Variants in WDR17 observed in about 807,000 individuals in gnomAD.
WDR17 encodes WD repeat-containing protein 17.
In WDR17, 143 loss-of-function variants were observed where a neutral mutation model predicts 161.7. The ratio of observed to expected loss-of-function variants is 0.88; its 90% CI spans 0.77 to 1.02. WDR17 has a LOEUF of 1.02. WDR17 is among the 50% of genes least tolerant of loss of function. The pLI is 0.00. For missense variants in WDR17, 1,469 were observed against 1,520.9 expected, an observed-to-expected ratio of 0.97 and a Z score of 0.57; for synonymous variants, 517 against 515.6, an observed-to-expected ratio of 1.00 and a Z score of -0.04.
At chr4:176,142,251 G>A (rs981631700) in intron 11 of WDR17, among the ~76,000 whole-genome samples, 182 bp downstream of exon 11, 8 of 152,052 alleles carry the variant, frequency 5.3e-5, no homozygotes, top group African/African-American at 1.9e-4. Context: ...TTTATTCCAT[G>A]AAGTTTTTAC....
chr4:176,179,379 A>C, intron 28 of WDR17, 81 bp from the exon 29 acceptor site: 1 of 1,302,740 alleles, frequency 7.7e-7, no homozygotes, highest in Non-Finnish European at 1.0e-6. Context: ...TTTTTATTGC[A>C]GTGATTCTCT....
chr4:176,121,667 T>G (rs1741605002), intron 4 of WDR17, among the ~76,000 whole-genome samples: 1 of 152,212 alleles, frequency 6.6e-6, no homozygotes, highest in Non-Finnish European at 1.5e-5. Context: ...TCTTTTTTCT[T>G]GCTTTATTAT....
intron 9 of WDR17, among the ~76,000 whole-genome samples, chr4:176,139,349 C>G (rs1333393711): frequency 3.3e-5 from 5 of 151,852 alleles, no homozygotes; most frequent in African/African-American, 1.2e-4. Flanking sequence ...TCCCCTGGCC[C>G]TTCCTCAGTC....
intron 11 of WDR17, among the ~76,000 whole-genome samples, chr4:176,143,618 G>T (rs1474366922): frequency 6.6e-6 from 1 of 152,158 alleles, no homozygotes; most frequent in Non-Finnish European, 1.5e-5. Flanking sequence ...GGTCGAGGCT[G>T]CAGTAAGCCA....
chr4:176,089,117 A>G (rs898309815), intron 1 of WDR17, among the ~76,000 whole-genome samples: 2 of 152,134 alleles, frequency 1.3e-5, no homozygotes, highest in Admixed American at 6.6e-5. Flanking sequence ...GATTTTTAGT[A>G]TGTAATTTCT....
chr4:176,164,313 C>A (rs189722612), intron 22 of WDR17, among the ~76,000 whole-genome samples: 35 of 152,248 alleles, frequency 2.3e-4, no homozygotes, highest in African/African-American at 7.7e-4. Context: ...GGGTGAGCAT[C>A]CCTAATCCAA....
chr4:176,155,563 G>T, intron 17 of WDR17, among the ~76,000 whole-genome samples: 1 of 75,140 alleles, frequency 1.3e-5, no homozygotes. Flanking sequence ...TTTTTTTTTG[G>T]AGACGAAGTC....
rs34451055 is a variant in WDR17, at chr4:176,152,595, CAAAAAAAAAAAA to C, written c.2460+644_2460+655del. 1.1e-4 allele frequency among the ~76,000 whole-genome samples: 4 copies of C among 37,246 alleles called. No individual in the cohort carries two copies. In the East Asian group the frequency reaches 4.5e-3, roughly 42 times the overall value. The allele number at this position is 37,246 out of a possible 152,430, so 24.4% of individuals were successfully genotyped here. The stretch of plus-strand genomic sequence containing the variant: ...TACTCCAGCCTGGGTAACTCCATCT[CAAAAAAAAAAAA>C]AAAAAAAAAAAAAAAGGGAAAGAAA... On this transcript the variant is annotated intron_variant, in intron 17 of 28. Coordinates refer to ENST00000508596, the MANE Select transcript of WDR17 (RefSeq NM_181265.4).
At chr4:176,152,096 G>T in intron 17 of WDR17, 129 bp downstream of exon 17, 1 of 860,996 alleles carries the variant, frequency 1.2e-6, no homozygotes, top group African/African-American at 1.8e-5. Flanking sequence ...GATCACTTGA[G>T]CCCAGGAGTT....
intron 1 of WDR17, among the ~76,000 whole-genome samples, chr4:176,087,657 T>C (rs1579011980): frequency 6.6e-6 from 1 of 152,244 alleles, no homozygotes; most frequent in East Asian, 1.9e-4. Flanking sequence ...TATCTGTCTC[T>C]TATGCTTTGT....
chr4:176,152,517 A>T (rs1355885654), intron 17 of WDR17, among the ~76,000 whole-genome samples: 2 of 136,078 alleles, frequency 1.5e-5, no homozygotes, highest in Non-Finnish European at 1.5e-5. Flanking sequence ...GAGGCAGGGG[A>T]ATTGCCTGAA....
chr4:176,181,385 T>C lies in WDR17; in HGVS notation c.*1806T>C, dbSNP rs1370402649. On this transcript the variant is annotated 3_prime_UTR_variant, in exon 29 of 29. Transcript: ENST00000508596. ...AGGAAGCTAAGGCAGGAGAATCGCT[T>C]GAATCCAGGAGGCGGAGGTTGCAGT... 5 of 174,626 alleles carry C rather than the reference T, an allele frequency of 2.9e-5. No homozygotes were observed. The highest frequency in any genetic ancestry group is 3.5e-5 in the Non-Finnish European group (3 of 85,908). The allele number at this position is 174,626 out of a possible 1,614,324, so 10.8% of individuals were successfully genotyped here. A position where few individuals can be genotyped will look rare whatever the true frequency, so the allele number is the denominator to read the frequency against.
In WDR17 at chr4:176,180,822, TA is replaced by T. The variant is rs1377119396; in HGVS notation, c.*1247del. ...GGATATATTATGTTGATTTAACTTT[TA>T]AAATGTTGTTTAAAAGTGTGAAGCT... On this transcript the variant is annotated 3_prime_UTR_variant, in exon 29 of 29. Transcript: ENST00000508596. The T allele has an allele frequency of 6.6e-6, 1 of 152,232 alleles. No homozygotes were observed. The highest frequency in any genetic ancestry group is 1.5e-5 in the Non-Finnish European group (1 of 68,046). 9.4% of individuals were successfully genotyped at this position (152,232 alleles called of 1,614,324 possible).
intron 1 of WDR17, among the ~76,000 whole-genome samples, chr4:176,085,417 C>T (rs1440121251): frequency 6.6e-6 from 1 of 151,918 alleles, no homozygotes; most frequent in Non-Finnish European, 1.5e-5. Flanking sequence ...TTAAAGAATT[C>T]GCCAGTGAAA....
chr4:176,163,058 G>T, intron 21 of WDR17, 96 bp from the exon 22 acceptor site: 1 of 1,446,814 alleles, frequency 6.9e-7, no homozygotes, highest in Non-Finnish European at 9.7e-7. Flanking sequence ...TGATTTATAG[G>T]TTAATACTGC....
rs369618447 is a variant in WDR17 at position 176,104,316 on chromosome 4, C to A, written c.-6-7259C>A. Reference sequence around the variant, plus strand: ...ATGACACTAGACAGTAACTCAAAGCCATATGAAAAAATAAAGATCTTGATA... The same window carrying A: ...ATGACACTAGACAGTAACTCAAAGCAATATGAAAAAATAAAGATCTTGATA... On this transcript the variant is annotated intron_variant, in intron 1 of 28. Transcript: ENST00000508596. 1.7e-4 allele frequency among the ~76,000 whole-genome samples: 26 copies of A among 151,982 alleles called. No individual in the cohort carries two copies. In the East Asian group the frequency reaches 2.3e-3, roughly 14 times the overall value.
In WDR17 at chr4:176,147,598, A is replaced by G. The variant is rs79807666; in HGVS notation, c.1695-535A>G. The stretch of plus-strand genomic sequence containing the variant: ...ACATGTTATACTTTTATAATTTACA[A>G]ATCATCTTAATATATTAAATTACTG... On this transcript the variant is annotated intron_variant, in intron 12 of 28. Transcript: ENST00000508596. 7.9e-3 allele frequency among the ~76,000 whole-genome samples: 1,206 copies of G among 152,272 alleles called. 16 individuals carry two copies. The highest frequency in any genetic ancestry group is 0.027 in the African/African-American group (1,132 of 41,550).
intron 1 of WDR17, among the ~76,000 whole-genome samples, chr4:176,094,824 A>G (rs1175244096): frequency 1.3e-5 from 2 of 152,192 alleles, no homozygotes; most frequent in Non-Finnish European, 2.9e-5. Context: ...TCAGGTTACT[A>G]TCTAGAATAT....
At chr4:176,155,964 A>C in intron 17 of WDR17, 115 bp from the exon 18 acceptor site, 1 of 918,580 alleles carries the variant, frequency 1.1e-6, no homozygotes, top group East Asian at 3.0e-5. Context: ...AGGACTCAAG[A>C]ACTCAAATAT....
Sources: gnomAD v4.1 joint callset for allele counts (sites outside exome capture counted in the v4.1 genomes callset) on GRCh38, gnomAD v4.1.1 for gene constraint, MANE v1.5 for transcripts, NCBI Gene and HGNC (gene_info 2026-07-23, HGNC 2026-07-21) for gene names.